The following CPSF6 variants were observed in gnomAD, a reference collection of about 807,000 sequenced individuals.
CPSF6 encodes the protein cleavage and polyadenylation specificity factor subunit 6.
Under a neutral mutation model 56.7 loss-of-function variants are expected in CPSF6, and 10 were observed. That is an observed-to-expected ratio of 0.18 (90% CI 0.11 to 0.30). CPSF6 has a LOEUF of 0.30. CPSF6 is among the 10% of genes least tolerant of loss of function. The pLI, the probability that CPSF6 is intolerant of heterozygous loss-of-function variation, is 1.00. For synonymous variants in CPSF6, 248 were observed against 244.8 expected (o/e 1.01, Z -0.12); for missense variants, 419 against 722.9 (o/e 0.58, Z 4.82).
chr12:69,272,402 G>A lies in CPSF6; in HGVS notation c.*2894G>A, dbSNP rs577665657. On this transcript the variant is annotated 3_prime_UTR_variant, in exon 10 of 10. Transcript: ENST00000435070. ...AAACATGGAGGTTTTAATGAATGTT[G>A]TATAATATTTTATAGTGAAGGAAAA... 1.3e-5 allele frequency: 2 copies of A among 151,696 alleles called. No homozygotes were observed. The highest frequency in any genetic ancestry group is 4.8e-5 in the African/African-American group (2 of 41,498). The allele number at this position is 151,696 out of a possible 1,614,324, so 9.4% of individuals were successfully genotyped here.
At chr12:69,245,707 G>C (rs904834509) in intron 1 of CPSF6, among the ~76,000 whole-genome samples, 1 of 152,292 alleles carries the variant, frequency 6.6e-6, no homozygotes, top group Admixed American at 6.5e-5. Flanking sequence ...TTGGGAGTCA[G>C]AAACTCTTAA....
Position 69,274,108 on chromosome 12 carries a change from A to AATTTT in CPSF6, c.*4600_*4601insATTTT, listed in dbSNP as rs1873390076. Reference sequence around the variant, plus strand: ...GGTAAGGTGATAATTGATCTAATAGACTTTTTTTTTTTTTTTTTTGCTGTC... The same window carrying AATTTT: ...GGTAAGGTGATAATTGATCTAATAGAATTTTCTTTTTTTTTTTTTTTTTTGCTGTC... On this transcript the variant is annotated 3_prime_UTR_variant, in exon 10 of 10. Transcript: ENST00000435070. 2.2e-5 allele frequency: 1 copy of AATTTT among 45,584 alleles called. No individual in the cohort carries two copies. 2.8% of individuals were successfully genotyped at this position (45,584 alleles called of 1,614,324 possible).
Position 69,258,747 on chromosome 12 carries a change from T to C in CPSF6, c.852T>C (p.Phe284=), listed in dbSNP as rs561090431. ...PPPVLFPGQP[F]GQPPLGPLPP... is the part of the protein sequence containing the mutation. ...CAGTTCTTTTTCCTGGACAACCTTT[T>C]GGGCAGCCTCCATTGGGTCCACTTC... is the stretch of plus-strand genomic sequence containing the variant. The change falls in exon 6 of 10, where the codon TTT becomes TTC. Residue 284 remains phenylalanine (F), a synonymous_variant. Transcript: ENST00000435070. This position sits in a 1 kb window ranked among gnomAD's most constrained non-coding sequence, Gnocchi z 4.2. The C allele has an allele frequency of 1.1e-5, 18 of 1,614,064 alleles. No homozygotes were observed. In the South Asian group the frequency reaches 2.0e-4, roughly 18 times the overall value.
Position 69,273,756 on chromosome 12 carries a change from G to A in CPSF6, c.*4248G>A, listed in dbSNP as rs890112885. ...GTATTTAATGGGAAAGGATCCTTTG[G>A]GTATAAATCATAATGTATTTTAAGG... On this transcript the variant is annotated 3_prime_UTR_variant, in exon 10 of 10. Coordinates refer to ENST00000435070, the MANE Select transcript of CPSF6 (RefSeq NM_007007.3). The A allele has an allele frequency of 6.6e-6, 1 of 151,498 alleles. No homozygotes were observed. Among genetic ancestry groups the A allele is most frequent in the Non-Finnish European group, 1.5e-5 (1 of 67,734 alleles). The allele number at this position is 151,498 out of a possible 1,614,324, so 9.4% of individuals were successfully genotyped here.
intron 3 of CPSF6, among the ~76,000 whole-genome samples, chr12:69,254,341 C>G (rs1197195967): frequency 6.6e-6 from 1 of 152,180 alleles, no homozygotes; most frequent in Non-Finnish European, 1.5e-5. Flanking sequence ...TGCTGTTGGC[C>G]AGACCAATTC....
intron 1 of CPSF6, among the ~76,000 whole-genome samples, chr12:69,248,254 C>G (rs1430181563): frequency 6.6e-6 from 1 of 152,164 alleles, no homozygotes; most frequent in Non-Finnish European, 1.5e-5. Context: ...ATCTGTTCAC[C>G]TATTTATGTA....
In CPSF6 at chr12:69,258,272, G is replaced by A. The variant is rs1464827772; in HGVS notation, c.695-318G>A. The A allele has an allele frequency of 1.5e-6, 1 of 663,546 alleles. No homozygotes were observed. Among genetic ancestry groups the A allele is most frequent in the African/African-American group, 1.8e-5 (1 of 55,042 alleles). 41.1% of individuals were successfully genotyped at this position (663,546 alleles called of 1,614,324 possible). On this transcript the variant is annotated intron_variant, in intron 5 of 9. Transcript: ENST00000435070. The surrounding 1 kb of genome is among the most constrained non-coding windows in gnomAD (Gnocchi z 4.2). ...TGTTTCACTTTCTAGCTTGGCATCA[G>A]AGTAGAATATAAGGTGGGTGATTTC...
intron 9 of CPSF6, among the ~76,000 whole-genome samples, chr12:69,268,341 AT>A (rs981089813): frequency 2.0e-5 from 3 of 150,584 alleles, no homozygotes; most frequent in Admixed American, 6.6e-5. Context: ...TCTGGATTGT[AT>A]TTTTTTTTCT....
At chr12:69,240,723 A>G (rs1314969468) in intron 1 of CPSF6, among the ~76,000 whole-genome samples, 11 of 147,410 alleles carry the variant, frequency 7.5e-5, no homozygotes, top group Admixed American at 2.7e-4. Flanking sequence ...ACCTTTTGAA[A>G]GGTTGAGCGA....
chr12:69,241,766 A>G (rs1005997595), intron 1 of CPSF6, among the ~76,000 whole-genome samples: 8 of 152,228 alleles, frequency 5.3e-5, no homozygotes, highest in Non-Finnish European at 1.2e-4. Flanking sequence ...ACACAGTTGT[A>G]TAATTTTACC....
chr12:69,273,363 G>A lies in CPSF6; in HGVS notation c.*3855G>A, dbSNP rs531556075. 44 of 210,334 alleles carry A rather than the reference G, an allele frequency of 2.1e-4. No homozygotes were observed. Among genetic ancestry groups the A allele is most frequent in the Admixed American group, 5.9e-4 (11 of 18,518 alleles). The allele number at this position is 210,334 out of a possible 1,614,324, so 13.0% of individuals were successfully genotyped here. On this transcript the variant is annotated 3_prime_UTR_variant, in exon 10 of 10. Transcript: ENST00000435070. ...GACGTATAAATACTTGATTATATACGACAGATTTTAATGTCTTTAAAGACT... is the reference window on the plus strand; with the variant it reads ...GACGTATAAATACTTGATTATATACAACAGATTTTAATGTCTTTAAAGACT...
chr12:69,269,619 T>C lies in CPSF6; in HGVS notation c.*111T>C. ...ATTGAACTGAACCTGTAAGGATTCA[T>C]GGATAAAATGAACAGGAATAGATCT... On this transcript the variant is annotated 3_prime_UTR_variant, in exon 10 of 10. Coordinates refer to ENST00000435070, the MANE Select transcript of CPSF6 (RefSeq NM_007007.3). 2.5e-6 allele frequency: 1 copy of C among 402,434 alleles called. No homozygotes were observed. The highest frequency in any genetic ancestry group is 4.9e-6 in the Non-Finnish European group (1 of 202,216). The allele number at this position is 402,434 out of a possible 1,614,324, so 24.9% of individuals were successfully genotyped here. A position where few individuals can be genotyped will look rare whatever the true frequency, so the allele number is the denominator to read the frequency against.
intron 9 of CPSF6, among the ~76,000 whole-genome samples, chr12:69,263,618 A>G (rs1872844921): frequency 6.6e-6 from 1 of 152,116 alleles, no homozygotes; most frequent in Non-Finnish European, 1.5e-5. Flanking sequence ...AATCATGGGA[A>G]ACTTACTGAA....
intron 1 of CPSF6, among the ~76,000 whole-genome samples, chr12:69,249,151 TCGGGGGGGGG>T (rs1188432111): frequency 1.4e-4 from 3 of 21,378 alleles, no homozygotes; most frequent in Non-Finnish European, 2.9e-4. Context: ...TCCCAGCTAC[TCGGGGGGGGG>T]GGGGGGGGCT....
intron 3 of CPSF6, among the ~76,000 whole-genome samples, chr12:69,254,636 A>G (rs1457126248): frequency 6.6e-5 from 10 of 152,224 alleles, no homozygotes; most frequent in Admixed American, 6.5e-4. Context: ...CTTGCGTATA[A>G]GAAGTGGTGC....
At chr12:69,252,077 T>C (rs1442890375) in intron 2 of CPSF6, 1 of 455,732 alleles carries the variant, frequency 2.2e-6, no homozygotes, top group South Asian at 1.5e-5. Context: ...TTACATTTCT[T>C]TTTTTCAGGG....
At position 69,262,485 on chromosome 12, in the gene CPSF6, C is replaced by A. The variant is rs1432213691; in HGVS notation, c.1582C>A (p.Arg528=). ...TTATTACAGAGAGAGAAGCAGAGAA[C>A]GAGAGAGGCACCGGGATCGTGACCG... ...DDYYRERSRE[R]ERHRDRDRDR... is the part of the protein sequence containing the mutation. Residue 528 remains arginine (R), a synonymous_variant, in exon 9 of 10, where the codon CGA becomes AGA. Coordinates refer to ENST00000435070, the MANE Select transcript of CPSF6 (RefSeq NM_007007.3). 3.1e-6 allele frequency: 5 copies of A among 1,613,924 alleles called. No individual in the cohort carries two copies. The highest frequency in any genetic ancestry group is 1.7e-5 in the Admixed American group (1 of 60,014).
chr12:69,239,610 A>AGGCGGC lies in CPSF6; in HGVS notation c.-21_-16dup, dbSNP rs574075893. 985 of 1,472,220 alleles carry AGGCGGC rather than the reference A, an allele frequency of 6.7e-4. 2 individuals are homozygous for AGGCGGC. Among genetic ancestry groups the AGGCGGC allele is most frequent in the African/African-American group, 2.8e-3 (190 of 68,404 alleles). The allele number at this position is 1,472,220 out of a possible 1,614,324, so 91.2% of individuals were successfully genotyped here. A position where few individuals can be genotyped will look rare whatever the true frequency, so the allele number is the denominator to read the frequency against. ...CTGCCGCGGCGGGCAGACCTGCAGG[A>AGGCGGC]GGCGGCGGCGGCGGCGGCGGCCGAG... On this transcript the variant is annotated 5_prime_UTR_variant, in exon 1 of 10. Coordinates refer to ENST00000435070, the MANE Select transcript of CPSF6 (RefSeq NM_007007.3).
intron 9 of CPSF6, among the ~76,000 whole-genome samples, chr12:69,266,838 G>T (rs892229021): frequency 6.6e-6 from 1 of 152,078 alleles, no homozygotes; most frequent in Non-Finnish European, 1.5e-5. Context: ...GTTTTATAGA[G>T]TAATAAAATG....
Sources: gnomAD v4.1 joint callset for allele counts (sites outside exome capture counted in the v4.1 genomes callset) on GRCh38, gnomAD v4.1.1 for gene constraint, Gnocchi (gnomAD v3.1) non-coding constraint, MANE v1.5 for transcripts, NCBI Gene and HGNC (gene_info 2026-07-23, HGNC 2026-07-21) for gene names.